Variants in MYT1L observed in about 807,000 individuals in gnomAD.
The protein encoded by MYT1L is myelin transcription factor 1-like protein.
A neutral mutation model predicts 126.7 loss-of-function variants in MYT1L; 12 were observed. The observed-to-expected ratio is 0.09, with a 90% confidence interval of 0.06 to 0.15. MYT1L has a LOEUF of 0.15. MYT1L is among the 10% of genes least tolerant of loss of function. MYT1L has a pLI of 1.00. For synonymous variants in MYT1L, 541 were observed against 604.2 expected (o/e 0.90, Z 1.53); for missense variants, 979 against 1,585.2 (o/e 0.62, Z 6.49).
At chr2:2,135,253 C>G (rs2082900736) in intron 3 of MYT1L, among the ~76,000 whole-genome samples, 1 of 152,124 alleles carries the variant, frequency 6.6e-6, no homozygotes, top group Admixed American at 6.6e-5. Context: ...GTGCTGTTCT[C>G]ATGATAGTGA....
intron 3 of MYT1L, among the ~76,000 whole-genome samples, chr2:2,152,976 A>C (rs181027430): frequency 6.6e-5 from 10 of 152,326 alleles, no homozygotes; most frequent in Admixed American, 4.6e-4. Flanking sequence ...CTTTTATAGC[A>C]GTACAGATAT....
chr2:1,823,213 C>A (rs1002098360), intron 21 of MYT1L, among the ~76,000 whole-genome samples: 2 of 152,178 alleles, frequency 1.3e-5, no homozygotes, highest in African/African-American at 2.4e-5. Context: ...CCAGGCAGAC[C>A]CAGCAGGGGC....
At position 1,922,176 on chromosome 2, in the gene MYT1L, AG is replaced by A; in HGVS notation, c.1483+109del. On this transcript the variant is annotated intron_variant, in intron 10 of 24. Coordinates refer to ENST00000647738, the MANE Select transcript of MYT1L (RefSeq NM_001303052.2). The surrounding 1 kb of genome is among the most constrained non-coding windows in gnomAD (Gnocchi z 7.4). ...TCTGGAATCAACTCTAAGAATGTGC[AG>A]TAGAGACATAATTCAGTGTGAGTCA... 1 of 1,351,612 alleles carries A rather than the reference AG, an allele frequency of 7.4e-7. No homozygotes were observed. The highest frequency in any genetic ancestry group is 2.4e-5 in the East Asian group (1 of 42,234). 83.7% of individuals were successfully genotyped at this position (1,351,612 alleles called of 1,614,324 possible).
intron 18 of MYT1L, among the ~76,000 whole-genome samples, chr2:1,875,869 T>G (rs922940885): frequency 1.3e-5 from 2 of 152,170 alleles, no homozygotes; most frequent in Admixed American, 6.5e-5. Context: ...CTCTGCACTC[T>G]TAGTGCAGCT....
chr2:1,906,231 C>G (rs2051035356), intron 13 of MYT1L, among the ~76,000 whole-genome samples: 1 of 152,086 alleles, frequency 6.6e-6, no homozygotes, highest in African/African-American at 2.4e-5. Context: ...TAGTTAGAAT[C>G]TTACACTTTT....
At chr2:2,081,675 A>C (rs2075838386) in intron 3 of MYT1L, among the ~76,000 whole-genome samples, 1 of 152,220 alleles carries the variant, frequency 6.6e-6, no homozygotes, top group African/African-American at 2.4e-5. Context: ...ACTGCAAGGC[A>C]AGTCCCAGAG....
chr2:2,284,134 A>G (rs1224239927), intron 2 of MYT1L, among the ~76,000 whole-genome samples: 3 of 152,234 alleles, frequency 2.0e-5, no homozygotes, highest in Non-Finnish European at 4.4e-5. Flanking sequence ...TTCATTTATG[A>G]AATATTTAGA....
At chr2:1,850,180 C>A (rs1394518430) in intron 19 of MYT1L, among the ~76,000 whole-genome samples, 1 of 118,068 alleles carries the variant, frequency 8.5e-6, no homozygotes, top group Admixed American at 8.7e-5. Context: ...CCCTCCCCCT[C>A]CCCCTTCCTT....
chr2:2,110,674 C>G (rs373303963), intron 3 of MYT1L, among the ~76,000 whole-genome samples: 81 of 151,388 alleles, frequency 5.4e-4, no homozygotes, highest in African/African-American at 1.5e-3. Flanking sequence ...ACTTTTCCAT[C>G]TCCTTTGCTT....
chr2:2,234,008 A>C (rs974050661), intron 2 of MYT1L, among the ~76,000 whole-genome samples: 1 of 152,226 alleles, frequency 6.6e-6, no homozygotes. Flanking sequence ...AGATAAGTCC[A>C]TGCTTGTTTT....
intron 8 of MYT1L, among the ~76,000 whole-genome samples, chr2:1,952,626 G>A (rs922947384): frequency 2.0e-5 from 3 of 150,596 alleles, no homozygotes; most frequent in African/African-American, 4.9e-5. Flanking sequence ...GAACTAATGC[G>A]AACCCTTGTG....
At chr2:2,083,751 G>C (rs1039304241) in intron 3 of MYT1L, among the ~76,000 whole-genome samples, 3 of 152,170 alleles carry the variant, frequency 2.0e-5, no homozygotes, top group African/African-American at 7.2e-5. Flanking sequence ...GAGCTTAGAG[G>C]GGAGGGAGAC....
rs1440210647 is a variant in MYT1L, at chr2:1,801,636, T to C, written c.3276+60A>G. ...TCTCCTAAAAGCTGATTTCATGCCA[T>C]GTATCTCTGGTATAATGGCGCGTGT... On this transcript the variant is annotated intron_variant, in intron 23 of 24. Transcript: ENST00000647738. This position sits in a 1 kb window ranked among gnomAD's most constrained non-coding sequence, Gnocchi z 4.2. 12 of 1,004,642 alleles carry C rather than the reference T, an allele frequency of 1.2e-5. No individual in the cohort carries two copies. The East Asian group carries it at 1.5e-4, about 12-fold the overall frequency. 62.2% of individuals were successfully genotyped at this position (1,004,642 alleles called of 1,614,324 possible). A position where few individuals can be genotyped will look rare whatever the true frequency, so the allele number is the denominator to read the frequency against.
chr2:1,820,286 C>CA (rs1332784825), intron 21 of MYT1L, among the ~76,000 whole-genome samples: 1 of 152,188 alleles, frequency 6.6e-6, no homozygotes, highest in Non-Finnish European at 1.5e-5. Context: ...TTGTTTCCAG[C>CA]ATTGCTGTTG....
rs73910761 is a variant in MYT1L, at chr2:1,945,837, C to G, written c.153-2503G>C. Among the ~76,000 whole-genome samples the G allele has an allele frequency of 5.0e-3, 759 of 152,278 alleles. 7 individuals are homozygous for G. The highest frequency in any genetic ancestry group is 0.018 in the African/African-American group (739 of 41,568). ...ATGTCGCTCCTTAAAGTTTTGGAAA[C>G]TAATGATTGTCCTGTTTGTTTCTTC... On this transcript the variant is annotated intron_variant, in intron 8 of 24. Coordinates refer to ENST00000647738, the MANE Select transcript of MYT1L (RefSeq NM_001303052.2).
intron 3 of MYT1L, among the ~76,000 whole-genome samples, chr2:2,150,217 C>T (rs145047076): frequency 0.012 from 1,795 of 152,222 alleles, 26 homozygotes; most frequent in Non-Finnish European, 0.018. Flanking sequence ...ATGCAAGATA[C>T]CGTAAGGCTC....
At chr2:2,213,432 C>T (rs1294347290) in intron 2 of MYT1L, among the ~76,000 whole-genome samples, 1 of 152,118 alleles carries the variant, frequency 6.6e-6, no homozygotes, top group Non-Finnish European at 1.5e-5. Flanking sequence ...GGTCCCCCAA[C>T]AGTATCCAAC....
chr2:1,847,656 G>A (rs971741956), intron 19 of MYT1L, among the ~76,000 whole-genome samples: 9 of 152,086 alleles, frequency 5.9e-5, no homozygotes, highest in African/African-American at 2.2e-4. Context: ...AGGATTTTGA[G>A]GACACACTTA....
At chr2:2,107,518 T>C (rs572353443) in intron 3 of MYT1L, among the ~76,000 whole-genome samples, 1 of 152,220 alleles carries the variant, frequency 6.6e-6, no homozygotes, top group African/African-American at 2.4e-5. Flanking sequence ...CCCAGAATAA[T>C]CAAGAATAGA....
Sources: gnomAD v4.1 joint callset for allele counts (sites outside exome capture counted in the v4.1 genomes callset) on GRCh38, gnomAD v4.1.1 for gene constraint, Gnocchi (gnomAD v3.1) non-coding constraint, MANE v1.5 for transcripts, NCBI Gene and HGNC (gene_info 2026-07-23, HGNC 2026-07-21) for gene names.